Variants in PCDH15 observed in about 807,000 individuals in gnomAD.
The protein encoded by PCDH15 is protocadherin-15.
Under a neutral mutation model 178.5 loss-of-function variants are expected in PCDH15, and 129 were observed. The observed-to-expected ratio is 0.72, with a 90% confidence interval of 0.63 to 0.84. PCDH15 has a LOEUF of 0.84. Among genes scored for constraint, PCDH15 ranks in the 40% least tolerant of loss-of-function variants. PCDH15 has a pLI of 0.00. For missense variants in PCDH15, 2,230 were observed against 2,099.9 expected, an observed-to-expected ratio of 1.06 and a Z score of -1.21; for synonymous variants, 800 against 732.0, an observed-to-expected ratio of 1.09 and a Z score of -1.50.
chr10:54,492,384 T>A (rs574206303), intron 3 of PCDH15, among the ~76,000 whole-genome samples: 1 of 152,268 alleles, frequency 6.6e-6, no homozygotes, highest in African/African-American at 2.4e-5. Flanking sequence ...GGATTCAAAG[T>A]AAAATTTCAG....
At chr10:54,560,172 G>T (rs1313551132) in intron 2 of PCDH15, among the ~76,000 whole-genome samples, 1 of 152,028 alleles carries the variant, frequency 6.6e-6, no homozygotes, top group Non-Finnish European at 1.5e-5. Flanking sequence ...TTACATGAAT[G>T]GTCCTAATGT....
chr10:54,837,706 G>A (rs1265110081), intron 3 of PCDH15, among the ~76,000 whole-genome samples: 1 of 152,050 alleles, frequency 6.6e-6, no homozygotes, highest in Non-Finnish European at 1.5e-5. Context: ...CTGCTCATAC[G>A]CCACTACAGC....
chr10:54,276,870 C>T (rs1483211866), intron 8 of PCDH15, among the ~76,000 whole-genome samples: 2 of 151,486 alleles, frequency 1.3e-5, no homozygotes, highest in Non-Finnish European at 3.0e-5. Flanking sequence ...ATTTTTATGG[C>T]TATAACACAT....
At chr10:54,602,498 C>T (rs2134104211) in intron 2 of PCDH15, among the ~76,000 whole-genome samples, 1 of 151,912 alleles carries the variant, frequency 6.6e-6, no homozygotes. Context: ...TTTATTGTAT[C>T]ATTGTTCTTG....
intron 2 of PCDH15, among the ~76,000 whole-genome samples, chr10:54,972,991 G>T (rs971726767): frequency 4.0e-5 from 6 of 151,190 alleles, no homozygotes; most frequent in Non-Finnish European, 8.8e-5. Flanking sequence ...GAATAACAAT[G>T]ATATAATATT....
intron 2 of PCDH15, among the ~76,000 whole-genome samples, chr10:55,131,413 G>C (rs989041034): frequency 1.3e-5 from 2 of 152,154 alleles, no homozygotes; most frequent in Non-Finnish European, 2.9e-5. Flanking sequence ...TGGGTTCCCT[G>C]AAGGGCCACA....
intron 2 of PCDH15, among the ~76,000 whole-genome samples, chr10:55,065,857 C>G (rs1841550877): frequency 1.3e-5 from 2 of 151,910 alleles, no homozygotes; most frequent in Admixed American, 1.3e-4. Flanking sequence ...CAGATACGTG[C>G]TATTTCATAC....
chr10:54,064,986 A>G lies in PCDH15; in HGVS notation c.2220+1771T>C, dbSNP rs1032933967. Among the ~76,000 whole-genome samples the G allele has an allele frequency of 2.6e-4, 40 of 152,250 alleles. 1 individual carries two copies. Among genetic ancestry groups the G allele is most frequent in the Admixed American group, 2.3e-3 (35 of 15,290 alleles). ...ACCGGCTCCCTGGAGCATTTAGCCC[A>G]GGTCATACCTCCTCTGCTGTAGCTG... is the stretch of plus-strand genomic sequence containing the variant. On this transcript the variant is annotated intron_variant, in intron 18 of 37. Coordinates refer to ENST00000644397, the MANE Select transcript of PCDH15 (RefSeq NM_001384140.1).
intron 23 of PCDH15, among the ~76,000 whole-genome samples, chr10:53,950,769 A>G (rs562260649): frequency 1.2e-4 from 19 of 152,298 alleles, no homozygotes; most frequent in Admixed American, 2.6e-4. Context: ...TTGAACTACT[A>G]TTAGGATTTT....
intron 3 of PCDH15, among the ~76,000 whole-genome samples, chr10:54,505,362 C>T (rs2081081462): frequency 6.6e-6 from 1 of 152,050 alleles, no homozygotes. Flanking sequence ...TTCCCATGCT[C>T]CTAAGTTAAA....
intron 2 of PCDH15, among the ~76,000 whole-genome samples, chr10:54,558,723 T>G (rs1355579788): frequency 1.3e-5 from 2 of 152,128 alleles, no homozygotes; most frequent in Non-Finnish European, 2.9e-5. Context: ...ACTACTATTT[T>G]GGTATTTCTC....
intron 2 of PCDH15, among the ~76,000 whole-genome samples, chr10:55,444,037 A>C (rs1483068326): frequency 6.6e-6 from 1 of 151,988 alleles, no homozygotes; most frequent in Non-Finnish European, 1.5e-5. Flanking sequence ...CACAGGAACA[A>C]AATATCAAAC....
At chr10:55,492,582 T>A (rs1287871659) in intron 2 of PCDH15, among the ~76,000 whole-genome samples, 2 of 151,728 alleles carry the variant, frequency 1.3e-5, no homozygotes, top group Admixed American at 6.6e-5. Flanking sequence ...ACCCTCTGGA[T>A]CAGTGAGTAG....
chr10:55,316,058 T>A (rs376643868), intron 1 of PCDH15, among the ~76,000 whole-genome samples: 14 of 152,138 alleles, frequency 9.2e-5, no homozygotes, highest in African/African-American at 3.1e-4. Context: ...ATGTTTCTAA[T>A]CAAAAGGACT....
chr10:54,624,949 C>T (rs7070392), intron 2 of PCDH15, among the ~76,000 whole-genome samples: 9,572 of 152,200 alleles, frequency 0.063, 860 homozygotes, highest in African/African-American at 0.2. Context: ...TATTTCATTA[C>T]ATATTACAAT....
chr10:54,023,136 T>G lies in PCDH15; in HGVS notation c.2282A>C (p.Asn761Thr). 1 of 1,613,868 alleles carries G rather than the reference T, an allele frequency of 6.2e-7. No homozygotes were observed. The highest frequency in any genetic ancestry group is 2.2e-5 in the East Asian group (1 of 44,862). The change falls in exon 19 of 38, where the codon AAT becomes ACT. Residue 761 changes from asparagine (N) to threonine (T), a missense_variant. Transcript: ENST00000644397. ...QVHYSLGNFN[N>T]LFRITSNGSI... ...CCCATTGGATGTGATACGAAAAAGATTATTAAAGTTACCCAAACTGTAGTG... is the reference window on the plus strand; with the variant it reads ...CCCATTGGATGTGATACGAAAAAGAGTATTAAAGTTACCCAAACTGTAGTG...
intron 2 of PCDH15, among the ~76,000 whole-genome samples, chr10:55,601,704 G>T (rs895866246): frequency 1.3e-5 from 2 of 152,090 alleles, no homozygotes; most frequent in East Asian, 3.9e-4. Context: ...TTGAATTAAG[G>T]TAGCAGGAAC....
upstream of PCDH15, among the ~76,000 whole-genome samples, chr10:54,804,048 T>G (rs1952733722): frequency 6.6e-6 from 1 of 151,960 alleles, no homozygotes; most frequent in Non-Finnish European, 1.5e-5. Flanking sequence ...AAATTTTCTT[T>G]TTTTTTTTTG....
chr10:55,212,905 G>A (rs1840606346), intron 1 of PCDH15, among the ~76,000 whole-genome samples: 2 of 151,852 alleles, frequency 1.3e-5, no homozygotes, highest in Admixed American at 6.6e-5. Context: ...CCACCTTAAA[G>A]GTTATATTAT....
Sources: gnomAD v4.1 joint callset for allele counts (sites outside exome capture counted in the v4.1 genomes callset) on GRCh38, gnomAD v4.1.1 for gene constraint, MANE v1.5 for transcripts, NCBI Gene and HGNC (gene_info 2026-07-23, HGNC 2026-07-21) for gene names.